The following TSFM variants were observed in gnomAD, a reference collection of about 807,000 sequenced individuals.
TSFM encodes Ts translation elongation factor, mitochondrial.
TSFM carries 29 observed loss-of-function variants against 33.4 expected under a neutral mutation model. The ratio of observed to expected loss-of-function variants is 0.87; its 90% CI spans 0.65 to 1.18. The LOEUF is 1.18. TSFM is among the 50% of genes most tolerant of loss of function. The pLI, the probability that TSFM is intolerant of heterozygous loss-of-function variation, is 0.00. For missense variants in TSFM, 394 were observed against 395.6 expected, an observed-to-expected ratio of 1.00 and a Z score of 0.04; for synonymous variants, 178 against 163.5, an observed-to-expected ratio of 1.09 and a Z score of -0.68.
chr12:57,801,137 G>A (rs757329816), downstream of TSFM: 10 of 1,612,786 alleles, frequency 6.2e-6, no homozygotes, highest in Non-Finnish European at 8.5e-6. Context: ...GAGCGAACCC[G>A]ACTCACAGCA....
Position 57,797,135 on chromosome 12 carries a change from T to G in TSFM, c.*552T>G. ...TGGTTCTGGCCTCATTTAATGAAATTAATAACACATGCCCCTATTTCTCTT... is the reference window on the plus strand; with the variant it reads ...TGGTTCTGGCCTCATTTAATGAAATGAATAACACATGCCCCTATTTCTCTT... On this transcript the variant is annotated 3_prime_UTR_variant, in exon 6 of 6. Coordinates refer to ENST00000652027, the MANE Select transcript of TSFM (RefSeq NM_005726.6). 1 of 985,358 alleles carries G rather than the reference T, an allele frequency of 1.0e-6. No individual in the cohort carries two copies. The highest frequency in any genetic ancestry group is 1.2e-6 in the Non-Finnish European group (1 of 829,936). The allele number at this position is 985,358 out of a possible 1,614,324, so 61.0% of individuals were successfully genotyped here.
chr12:57,801,013 T>C (rs1192721699), downstream of TSFM: 52 of 662,984 alleles, frequency 7.8e-5, 1 homozygote, highest in East Asian at 1.4e-3. Flanking sequence ...CAAAAAGTCT[T>C]TACATCAAAA....
chr12:57,786,952 CA>C (rs1384085409), intron 3 of TSFM, 87 bp from the exon 4 acceptor site: 16 of 1,397,834 alleles, frequency 1.1e-5, no homozygotes, highest in Non-Finnish European at 9.6e-7. Flanking sequence ...CTTGTTCTAT[CA>C]GTATCTTGAT....
At chr12:57,802,770 C>T, downstream of TSFM, 1 of 589,218 alleles carries the variant, frequency 1.7e-6, no homozygotes, top group South Asian at 2.2e-5. Context: ...AGAAACCCCC[C>T]ATATCCAATG....
intron 4 of TSFM, among the ~76,000 whole-genome samples, chr12:57,787,384 C>G (rs945203803): frequency 6.6e-6 from 1 of 152,066 alleles, no homozygotes; most frequent in African/African-American, 2.4e-5. Flanking sequence ...TTTAATTTAT[C>G]TGTGTGTTGT....
rs376562033 is a variant in TSFM, at chr12:57,796,249, C to G, written c.644C>G (p.Ser215Cys). ...GTGCCATCTGGGTTCTACGTTGGCT[C>G]TTATGTCCACGGAGCAATGCAGAGT... ...VKVPSGFYVGSYVHGAMQSPS... is the reference protein window; with the variant it reads ...VKVPSGFYVGCYVHGAMQSPS... The change falls in exon 6 of 6, where the codon TCT (serine) becomes TGT (cysteine). Residue 215 changes from serine to cysteine, a missense_variant. Physicochemically the swap from Ser to Cys is moderately radical, Grantham distance 112 (BLOSUM62 -1). Around this residue, in one of 3 missense-constraint regions of TSFM, gnomAD observed 186 missense variants for 198.8 expected, o/e 0.94. Transcript: ENST00000652027. 1.2e-6 allele frequency: 2 copies of G among 1,613,408 alleles called. No individual in the cohort carries two copies. Among genetic ancestry groups the G allele is most frequent in the East Asian group, 2.2e-5 (1 of 44,876 alleles).
downstream of TSFM, chr12:57,800,080 A>C: frequency 1.1e-6 from 1 of 943,606 alleles, no homozygotes; most frequent in African/African-American, 1.7e-5. Context: ...GCATGTCAGA[A>C]TCATCTGGGA....
chr12:57,797,747 C>A, downstream of TSFM: 1 of 727,838 alleles, frequency 1.4e-6, no homozygotes, highest in Non-Finnish European at 1.9e-6. Context: ...GGAGAACATG[C>A]CGTGATTTGC....
At position 57,783,144 on chromosome 12, in the gene TSFM, G is replaced by A; in HGVS notation, c.92G>A (p.Arg31Lys). 1.2e-6 allele frequency: 2 copies of A among 1,612,530 alleles called. No individual in the cohort carries two copies. The highest frequency in any genetic ancestry group is 1.7e-6 in the Non-Finnish European group (2 of 1,179,854). ...CTTCTGCGTCAGTCGCCCCAGCCAA[G>A]GCACACATTTTATGCTGGGCCCCGT... Reference protein sequence around the residue: ...GSLLRQSPQPRHTFYAGPRLS... With the variant: ...GSLLRQSPQPKHTFYAGPRLS... Residue 31 changes from arginine (R) to lysine (K), a missense_variant, in exon 2 of 6, where the codon AGG (arginine) becomes AAG (lysine). By Grantham distance (26) the Arg-to-Lys change is conservative (BLOSUM62 2). Coordinates refer to ENST00000652027, the MANE Select transcript of TSFM (RefSeq NM_005726.6).
At chr12:57,795,677 C>T (rs1287295945) in intron 5 of TSFM, among the ~76,000 whole-genome samples, 4 of 151,950 alleles carry the variant, frequency 2.6e-5, no homozygotes, top group East Asian at 1.9e-4. Flanking sequence ...TGCAATGGTA[C>T]GATCTCGGCT....
In TSFM at chr12:57,797,225, T is replaced by C. The variant is rs1266944992; in HGVS notation, c.*642T>C. 1.0e-6 allele frequency: 1 copy of C among 985,320 alleles called. No homozygotes were observed. The highest frequency in any genetic ancestry group is 1.2e-6 in the Non-Finnish European group (1 of 829,946). The allele number at this position is 985,320 out of a possible 1,614,324, so 61.0% of individuals were successfully genotyped here. A position where few individuals can be genotyped will look rare whatever the true frequency, so the allele number is the denominator to read the frequency against. ...GCCAGCTGTAAGGCAGATTTTGACA[T>C]TCTTGTGCCAGAAACAGAAATTAGA... is the stretch of plus-strand genomic sequence containing the variant. On this transcript the variant is annotated 3_prime_UTR_variant, in exon 6 of 6. Coordinates refer to ENST00000652027, the MANE Select transcript of TSFM (RefSeq NM_005726.6).
rs182347505 is a variant in TSFM, at chr12:57,794,544, C to T, written c.571+1471C>T. Among the ~76,000 whole-genome samples the T allele has an allele frequency of 1.3e-4, 20 of 152,220 alleles. No homozygotes were observed. The East Asian group carries it at 2.3e-3, about 18-fold the overall frequency. On this transcript the variant is annotated intron_variant, in intron 5 of 5. Coordinates refer to ENST00000652027, the MANE Select transcript of TSFM (RefSeq NM_005726.6). ...TGGTGCTTTGAGCTGTGGACTTTTT[C>T]CGGATAGAAGGGATGATCAGGAGTT...
chr12:57,786,776 G>A (rs1955596456), intron 3 of TSFM, among the ~76,000 whole-genome samples: 1 of 152,166 alleles, frequency 6.6e-6, no homozygotes, highest in African/African-American at 2.4e-5. Flanking sequence ...ATAGGTAAGT[G>A]GTGAACTTGT....
At position 57,793,090 on chromosome 12, in the gene TSFM, G is replaced by A; in HGVS notation, c.571+17G>A. 6.2e-7 allele frequency: 1 copy of A among 1,606,390 alleles called. No homozygotes were observed. The highest frequency in any genetic ancestry group is 1.1e-5 in the South Asian group (1 of 90,126). ...TAGCAATTGGTGAGTATTTGTAAAG[G>A]TTCTGGAAACTGGAAATTAGGGACT... is the stretch of plus-strand genomic sequence containing the variant. On this transcript the variant is annotated intron_variant, in intron 5 of 5. Transcript: ENST00000652027.
At position 57,797,232 on chromosome 12, in the gene TSFM, G is replaced by T. The variant is rs1280334371; in HGVS notation, c.*649G>T. 4.3e-5 allele frequency: 42 copies of T among 985,290 alleles called. No individual in the cohort carries two copies. The highest frequency in any genetic ancestry group is 4.9e-5 in the Non-Finnish European group (41 of 829,938). 61.0% of individuals were successfully genotyped at this position (985,290 alleles called of 1,614,324 possible). ...GTAAGGCAGATTTTGACATTCTTGTGCCAGAAACAGAAATTAGAGTAGTCC... is the reference window on the plus strand; with the variant it reads ...GTAAGGCAGATTTTGACATTCTTGTTCCAGAAACAGAAATTAGAGTAGTCC... On this transcript the variant is annotated 3_prime_UTR_variant, in exon 6 of 6. Coordinates refer to ENST00000652027, the MANE Select transcript of TSFM (RefSeq NM_005726.6).
chr12:57,786,758 G>A (rs1285808736), intron 3 of TSFM, among the ~76,000 whole-genome samples: 1 of 152,226 alleles, frequency 6.6e-6, no homozygotes, highest in African/African-American at 2.4e-5. Flanking sequence ...TGATGATGGT[G>A]TGCAGACATA....
chr12:57,792,637 G>A (rs989016701), intron 4 of TSFM, among the ~76,000 whole-genome samples: 3 of 150,544 alleles, frequency 2.0e-5, no homozygotes, highest in African/African-American at 4.9e-5. Context: ...CTGTTTCCCC[G>A]GCTGGAGTGC....
chr12:57,801,718 C>A (rs1283757650), downstream of TSFM, among the ~76,000 whole-genome samples: 1 of 151,634 alleles, frequency 6.6e-6, no homozygotes, highest in Non-Finnish European at 1.5e-5. Flanking sequence ...CCAGCCTGGA[C>A]AACAAGAGCG....
intron 5 of TSFM, among the ~76,000 whole-genome samples, chr12:57,794,511 C>T (rs1470099011): frequency 3.3e-5 from 5 of 152,112 alleles, no homozygotes; most frequent in South Asian, 4.1e-4. Context: ...TGAAACTATC[C>T]GATGACATGG....
Sources: allele counts gnomAD v4.1 joint callset (sites outside exome capture counted in the v4.1 genomes callset), GRCh38; gene constraint gnomAD v4.1.1; regional missense constraint gnomAD v4.1.1; transcripts MANE v1.5; gene names NCBI Gene and HGNC (gene_info 2026-07-23, HGNC 2026-07-21).